DPP10: variants seen among roughly 807,000 people sequenced by gnomAD.
DPP10 encodes dipeptidyl peptidase like 10.
DPP10 carries 33 observed loss-of-function variants against 120.9 expected under a neutral mutation model. The observed-to-expected ratio is 0.27, with a 90% CI of 0.21 to 0.37. The LOEUF is 0.37. Ranked by LOEUF, DPP10 falls within the 10% of genes least tolerant of loss-of-function variation. The probability of loss-of-function intolerance (pLI) is 1.00; values close to 1 mark genes in which losing one functional copy is unlikely to be tolerated. For synonymous variants in DPP10, 337 were observed against 326.1 expected (o/e 1.03, Z -0.36); for missense variants, 816 against 942.8 (o/e 0.87, Z 1.76).
chr2:114,771,243 A>C (rs1681219929), intron 1 of DPP10, among the ~76,000 whole-genome samples: 2 of 152,170 alleles, frequency 1.3e-5, no homozygotes, highest in Non-Finnish European at 2.9e-5. Context: ...CTCAGTTGAG[A>C]TTTGGGTTGC....
At chr2:115,183,101 T>G (rs929199666) in intron 1 of DPP10, among the ~76,000 whole-genome samples, 1 of 152,112 alleles carries the variant, frequency 6.6e-6, no homozygotes, top group African/African-American at 2.4e-5. Flanking sequence ...CTTTAACACT[T>G]CCCTTGGAAT....
chr2:114,972,667 A>G (rs1002570249), intron 1 of DPP10, among the ~76,000 whole-genome samples: 1 of 152,304 alleles, frequency 6.6e-6, no homozygotes, highest in East Asian at 1.9e-4. Flanking sequence ...AATTGGACCT[A>G]CATGTTTCTT....
At chr2:114,897,269 T>C (rs1693099237) in intron 1 of DPP10, among the ~76,000 whole-genome samples, 1 of 152,158 alleles carries the variant, frequency 6.6e-6, no homozygotes, top group Non-Finnish European at 1.5e-5. Context: ...TTAGGGAGGA[T>C]TCCCTCTTTT....
At chr2:115,557,659 C>A (rs1449719931) in intron 5 of DPP10, among the ~76,000 whole-genome samples, 1 of 152,150 alleles carries the variant, frequency 6.6e-6, no homozygotes, top group Non-Finnish European at 1.5e-5. Flanking sequence ...ACATACCCAG[C>A]ACATTTTTCC....
chr2:115,828,637 T>C (rs915824268), intron 21 of DPP10, among the ~76,000 whole-genome samples: 2 of 152,094 alleles, frequency 1.3e-5, no homozygotes, highest in African/African-American at 4.8e-5. Flanking sequence ...GCTGTAACAA[T>C]GCTAGGACTG....
At chr2:115,184,004 G>A (rs1476587696) in intron 1 of DPP10, among the ~76,000 whole-genome samples, 1 of 152,250 alleles carries the variant, frequency 6.6e-6, no homozygotes, top group Non-Finnish European at 1.5e-5. Flanking sequence ...ACAGGCCAGA[G>A]TGTTTTGTTT....
intron 19 of DPP10, among the ~76,000 whole-genome samples, chr2:115,797,878 T>A (rs1684717196): frequency 6.6e-6 from 1 of 151,910 alleles, no homozygotes; most frequent in Admixed American, 6.6e-5. Context: ...AATTTATAGA[T>A]AATGCCTAAG....
rs184725459 is a variant in DPP10, at chr2:115,781,407, T to G, written c.1483+412T>G. ...TATGGAAATTTAGGACCTGTGGAAA[T>G]TGAATTCCCCTGCTTCAGAGTTCTT... On this transcript the variant is annotated intron_variant, in intron 16 of 25. Coordinates refer to ENST00000410059, the MANE Select transcript of DPP10 (RefSeq NM_020868.6). Among the ~76,000 whole-genome samples the G allele has an allele frequency of 5.3e-5, 8 of 152,056 alleles. No individual in the cohort carries two copies. The East Asian group carries it at 1.5e-3, about 29-fold the overall frequency.
chr2:115,077,069 C>G (rs1292960858), intron 1 of DPP10, among the ~76,000 whole-genome samples: 1 of 152,052 alleles, frequency 6.6e-6, no homozygotes, highest in African/African-American at 2.4e-5. Flanking sequence ...ATTTTTGGGG[C>G]CACCTCTACT....
intron 1 of DPP10, among the ~76,000 whole-genome samples, chr2:115,110,332 T>C (rs944595476): frequency 1.3e-5 from 2 of 152,182 alleles, no homozygotes; most frequent in African/African-American, 4.8e-5. Context: ...GTTTTAGTTT[T>C]CTTATCTGTC....
intron 17 of DPP10, among the ~76,000 whole-genome samples, chr2:115,788,591 A>G (rs1333917894): frequency 1.3e-5 from 2 of 152,250 alleles, no homozygotes. Flanking sequence ...TAGAATGACA[A>G]TAGTGGAACA....
chr2:115,798,513 T>G (rs1005543524), intron 19 of DPP10, among the ~76,000 whole-genome samples: 8 of 152,074 alleles, frequency 5.3e-5, no homozygotes, highest in African/African-American at 1.9e-4. Context: ...CAGTACATTA[T>G]GAATCATGTA....
intron 1 of DPP10, among the ~76,000 whole-genome samples, chr2:114,795,772 A>C (rs947529206): frequency 1.3e-5 from 2 of 152,230 alleles, no homozygotes; most frequent in African/African-American, 4.8e-5. Context: ...AATGCATAAA[A>C]TGTATGTAGA....
chr2:115,744,953 C>T (rs1677763176), intron 9 of DPP10, among the ~76,000 whole-genome samples: 2 of 150,462 alleles, frequency 1.3e-5, no homozygotes, highest in African/African-American at 4.8e-5. Context: ...TGTTTAGAAA[C>T]ATATTAAGTA....
At chr2:115,565,760 GTTTGTTTTGT>G (rs1575192577) in intron 5 of DPP10, among the ~76,000 whole-genome samples, 59 of 45,134 alleles carry the variant, frequency 1.3e-3, no homozygotes, top group Admixed American at 5.5e-3. Flanking sequence ...TTTTTTTTTT[GTTTGTTTTGT>G]TTTTTTTTGT....
chr2:114,607,494 T>G (rs1692914371), intron 1 of DPP10, among the ~76,000 whole-genome samples: 1 of 152,206 alleles, frequency 6.6e-6, no homozygotes, highest in Non-Finnish European at 1.5e-5. Flanking sequence ...GACAAGAAAC[T>G]GTAGCTGATT....
chr2:115,216,178 A>G (rs1275704908), intron 1 of DPP10, among the ~76,000 whole-genome samples: 1 of 152,132 alleles, frequency 6.6e-6, no homozygotes, highest in East Asian at 1.9e-4. Context: ...GGAAAGAGGG[A>G]GAAAAAATTA....
intron 1 of DPP10, among the ~76,000 whole-genome samples, chr2:114,541,532 T>C (rs531011596): frequency 3.2e-4 from 48 of 152,324 alleles, no homozygotes; most frequent in African/African-American, 1.0e-3. Context: ...TCAGATCTTA[T>C]ACTCTAGCTT....
chr2:115,811,931 T>C (rs1559187610), intron 19 of DPP10, among the ~76,000 whole-genome samples: 1 of 152,212 alleles, frequency 6.6e-6, no homozygotes, highest in African/African-American at 2.4e-5. Context: ...AGAAATATGC[T>C]CAACATAAGC....
Sources: gnomAD v4.1 joint callset for allele counts (sites outside exome capture counted in the v4.1 genomes callset) on GRCh38, gnomAD v4.1.1 for gene constraint, MANE v1.5 for transcripts, NCBI Gene and HGNC (gene_info 2026-07-23, HGNC 2026-07-21) for gene names.